THOC5: variants seen among roughly 807,000 people sequenced by gnomAD.
THOC5 encodes Fms-interacting protein.
A neutral mutation model predicts 92.9 loss-of-function variants in THOC5; 43 were observed. The observed-to-expected ratio is 0.46, with a 90% CI of 0.36 to 0.60. The LOEUF (loss-of-function observed/expected upper bound fraction) is 0.60. Among genes scored for constraint, THOC5 ranks in the 20% least tolerant of loss-of-function variants. The pLI, the probability that THOC5 is intolerant of heterozygous loss-of-function variation, is 0.00. For missense variants in THOC5, 659 were observed against 849.4 expected, an observed-to-expected ratio of 0.78 and a Z score of 2.79; for synonymous variants, 296 against 320.1, an observed-to-expected ratio of 0.92 and a Z score of 0.80.
chr22:29,535,494 G>C (rs1569225715), intron 7 of THOC5: 1 of 151,858 alleles, frequency 6.6e-6, no homozygotes, highest in Non-Finnish European at 1.5e-5. Context: ...GTAAACCAAG[G>C]TATAGAAATG....
At chr22:29,551,817 G>T (rs147896390) in intron 1 of THOC5, among the ~76,000 whole-genome samples, 11 of 87,032 alleles carry the variant, frequency 1.3e-4, no homozygotes, top group African/African-American at 4.6e-4. Flanking sequence ...CTCTCTCCAC[G>T]GTCTCCCTCT....
At chr22:29,525,461 T>A (rs747782746) in intron 12 of THOC5, among the ~76,000 whole-genome samples, 4 of 151,968 alleles carry the variant, frequency 2.6e-5, no homozygotes, top group Non-Finnish European at 5.9e-5. Flanking sequence ...TCCCAGCACC[T>A]TGGGATAGAA....
chr22:29,513,086 C>T (rs1286782385), intron 17 of THOC5, among the ~76,000 whole-genome samples: 1 of 152,176 alleles, frequency 6.6e-6, no homozygotes, highest in East Asian at 1.9e-4. Flanking sequence ...CGCGGTGGCT[C>T]ACGCCTGTAA....
intron 8 of THOC5, among the ~76,000 whole-genome samples, chr22:29,530,250 G>T (rs2063625074): frequency 6.6e-6 from 1 of 151,956 alleles, no homozygotes; most frequent in African/African-American, 2.4e-5. Context: ...TAATTTTTAG[G>T]CTGGGTGTGG....
chr22:29,522,367 T>TA (rs2063460391), intron 12 of THOC5, among the ~76,000 whole-genome samples: 1 of 149,480 alleles, frequency 6.7e-6, no homozygotes, highest in South Asian at 2.1e-4. Context: ...CTCAAAAAAA[T>TA]AAATAAAATA....
rs1197323740 is a variant in THOC5, at chr22:29,543,048, AAAG to A, written c.355-95_355-93del. Reference sequence around the variant, plus strand: ...AACTAAGAGAAGGTGTAAAGGGAATAAAGAAGGGGATGGGGCTGGGTGCAGTGG... The same window carrying A: ...AACTAAGAGAAGGTGTAAAGGGAATAAAGGGGATGGGGCTGGGTGCAGTGG... On this transcript the variant is annotated intron_variant, in intron 4 of 19. Coordinates refer to ENST00000490103, the MANE Select transcript of THOC5 (RefSeq NM_003678.5). The A allele has an allele frequency of 8.8e-6, 8 of 911,070 alleles. No individual in the cohort carries two copies. The African/African-American group carries it at 1.3e-4, about 15-fold the overall frequency. The allele number at this position is 911,070 out of a possible 1,614,324, so 56.4% of individuals were successfully genotyped here.
intron 11 of THOC5, among the ~76,000 whole-genome samples, chr22:29,526,275 G>A (rs2063542065): frequency 6.6e-6 from 1 of 152,172 alleles, no homozygotes; most frequent in Non-Finnish European, 1.5e-5. Context: ...GCTCACACCT[G>A]TAATCCCAGC....
chr22:29,506,293 G>C lies in THOC5; in HGVS notation c.*2164C>G, dbSNP rs550867416. 1.3e-5 allele frequency: 2 copies of C among 152,244 alleles called. No homozygotes were observed. Among genetic ancestry groups the C allele is most frequent in the South Asian group, 4.2e-4 (2 of 4,816 alleles). The allele number at this position is 152,244 out of a possible 1,614,324, so 9.4% of individuals were successfully genotyped here. On this transcript the variant is annotated 3_prime_UTR_variant, in exon 20 of 20. Transcript: ENST00000490103. The stretch of plus-strand genomic sequence containing the variant: ...AGTATTACAAAGGATGTAATTTTAT[G>C]AACATTTTAAAGGTTGTTACCTATC...
At chr22:29,526,053 CTACTAGG>C (rs11279817) in intron 11 of THOC5, 107 bp from the exon 12 acceptor site, 161,839 of 582,558 alleles carry the variant, frequency 0.28, 31,383 homozygotes, top group South Asian at 0.5. Flanking sequence ...GAAAAACTAA[CTACTAGG>C]TATTATGCCC....
rs1433227252 is a variant in THOC5 at position 29,538,799 on chromosome 22, T to C, written c.599+531A>G. On this transcript the variant is annotated intron_variant, in intron 6 of 19. Coordinates refer to ENST00000490103, the MANE Select transcript of THOC5 (RefSeq NM_003678.5). The stretch of plus-strand genomic sequence containing the variant: ...GCAATAGAGTGAAACGCCATCTCTT[T>C]GGAAAAAAAAAAAAAAAAAAAAAAA... 6.3e-5 allele frequency among the ~76,000 whole-genome samples: 3 copies of C among 47,654 alleles called. No homozygotes were observed. The South Asian group carries it at 2.3e-3, about 37-fold the overall frequency. 31.3% of individuals were successfully genotyped at this position (47,654 alleles called of 152,430 possible).
At position 29,549,144 on chromosome 22, in the gene THOC5, A is replaced by G; in HGVS notation, c.4T>C (p.Ser2Pro). ...TTCCGTTTTTTGCTCGATTCTGATG[A>G]CATGGTTGTTCCTCCTGTTAAGAGG... is the stretch of plus-strand genomic sequence containing the variant. M[S>P]SESSKKRKPK... Residue 2 changes from serine (S) to proline (P), a missense_variant, in exon 2 of 20, where the codon TCA becomes CCA. By Grantham distance (74) the Ser-to-Pro change is moderately conservative. Transcript: ENST00000490103. The G allele has an allele frequency of 6.2e-7, 1 of 1,614,160 alleles. No homozygotes were observed. Among genetic ancestry groups the G allele is most frequent in the Non-Finnish European group, 8.5e-7 (1 of 1,180,026 alleles).
intron 15 of THOC5, 94 bp from the exon 16 acceptor site, chr22:29,517,460 A>G: frequency 1.3e-5 from 14 of 1,089,194 alleles, no homozygotes; most frequent in Non-Finnish European, 1.9e-5. Flanking sequence ...AAGGGCTCAG[A>G]TGGCCCGGCC....
chr22:29,533,306 T>C (rs1173437301), intron 7 of THOC5, among the ~76,000 whole-genome samples: 1 of 152,238 alleles, frequency 6.6e-6, no homozygotes, highest in African/African-American at 2.4e-5. Context: ...GACAGTGTGA[T>C]ACTGTGCAAG....
intron 17 of THOC5, among the ~76,000 whole-genome samples, chr22:29,512,662 C>T (rs538602501): frequency 1.7e-4 from 26 of 152,184 alleles, no homozygotes; most frequent in Admixed American, 1.2e-3. Flanking sequence ...ACCCTCTAGA[C>T]ACATTTTATT....
intron 1 of THOC5, chr22:29,550,976 T>A (rs569856006): frequency 6.6e-6 from 1 of 152,230 alleles, no homozygotes; most frequent in Admixed American, 6.5e-5. Flanking sequence ...AAGAACTCTA[T>A]CCCACAGCCT....
At chr22:29,518,518 AC>A (rs1331192148) in intron 15 of THOC5, among the ~76,000 whole-genome samples, 1 of 152,146 alleles carries the variant, frequency 6.6e-6, no homozygotes, top group Admixed American at 6.6e-5. Flanking sequence ...CCTGGGGAAC[AC>A]GAGGTCAGTA....
chr22:29,547,853 A>G (rs556041455), intron 2 of THOC5, among the ~76,000 whole-genome samples: 1 of 152,274 alleles, frequency 6.6e-6, no homozygotes, highest in Admixed American at 6.5e-5. Flanking sequence ...AATTTACTGG[A>G]TTAGTTTATT....
chr22:29,537,368 T>C lies in THOC5; in HGVS notation c.600-630A>G, dbSNP rs186071615. ...CCTAAGAACCAGACTCGGCCGGGAA[T>C]GGTGGCTCATGCCTGTAATTCCAGC... On this transcript the variant is annotated intron_variant, in intron 6 of 19. Coordinates refer to ENST00000490103, the MANE Select transcript of THOC5 (RefSeq NM_003678.5). Among the ~76,000 whole-genome samples the C allele has an allele frequency of 4.1e-3, 617 of 152,284 alleles. 6 individuals carry two copies. The highest frequency in any genetic ancestry group is 4.0e-3 in the Non-Finnish European group (270 of 68,016).
In THOC5 at chr22:29,511,824, C is replaced by T. The variant is rs532976532; in HGVS notation, c.1797+197G>A. On this transcript the variant is annotated intron_variant, in intron 18 of 19. Transcript: ENST00000490103. Reference sequence around the variant, plus strand: ...TCTCTAAGTGGGGAAACCTGTGGACCCCAAGGTAGGCAAGTAGGTCTGGGC... The same window carrying T: ...TCTCTAAGTGGGGAAACCTGTGGACTCCAAGGTAGGCAAGTAGGTCTGGGC... Among the ~76,000 whole-genome samples, 11 of 152,252 alleles carry T rather than the reference C, an allele frequency of 7.2e-5. No individual in the cohort carries two copies. The South Asian group carries it at 2.1e-3, about 29-fold the overall frequency.
Sources: gnomAD v4.1 joint callset for allele counts (sites outside exome capture counted in the v4.1 genomes callset) on GRCh38, gnomAD v4.1.1 for gene constraint, MANE v1.5 for transcripts, NCBI Gene and HGNC (gene_info 2026-07-23, HGNC 2026-07-21) for gene names.